Variants in MAPK8IP3 observed in about 807,000 individuals in gnomAD.
MAPK8IP3 encodes C-Jun-amino-terminal kinase-interacting protein 3.
MAPK8IP3 carries 49 observed loss-of-function variants against 157.8 expected under a neutral mutation model. The ratio of observed to expected loss-of-function variants is 0.31; its 90% CI spans 0.25 to 0.39. The LOEUF is 0.39. MAPK8IP3 is among the 10% of genes least tolerant of loss of function. The pLI, the probability that MAPK8IP3 is intolerant of heterozygous loss-of-function variation, is 1.00. For missense variants in MAPK8IP3, 1,478 were observed against 1,889.4 expected, an observed-to-expected ratio of 0.78 and a Z score of 4.04; for synonymous variants, 897 against 777.7, an observed-to-expected ratio of 1.15 and a Z score of -2.55.
intron 1 of MAPK8IP3, among the ~76,000 whole-genome samples, chr16:1,716,162 C>A (rs2038134526): frequency 6.6e-6 from 1 of 152,126 alleles, no homozygotes; most frequent in Non-Finnish European, 1.5e-5. Context: ...AGAATACTGT[C>A]ATCTTGATTT....
At chr16:1,726,531 C>T (rs1446100190) in intron 2 of MAPK8IP3, among the ~76,000 whole-genome samples, 1 of 152,084 alleles carries the variant, frequency 6.6e-6, no homozygotes, top group Non-Finnish European at 1.5e-5. Context: ...AAAAATTAGC[C>T]AGGCACGGTG....
At chr16:1,738,259 C>CAT (rs2040217910) in intron 4 of MAPK8IP3, among the ~76,000 whole-genome samples, 1 of 62,122 alleles carries the variant, frequency 1.6e-5, no homozygotes, top group African/African-American at 7.2e-5. Flanking sequence ...TCCGTGTGAG[C>CAT]GTGTGACCGT....
At chr16:1,726,782 T>C (rs1011911376) in intron 2 of MAPK8IP3, among the ~76,000 whole-genome samples, 1 of 152,230 alleles carries the variant, frequency 6.6e-6, no homozygotes, top group East Asian at 1.9e-4. Flanking sequence ...GTGGTGGCTA[T>C]ACTCTGCCCC....
At chr16:1,718,253 C>T (rs1203117094) in intron 1 of MAPK8IP3, among the ~76,000 whole-genome samples, 2 of 151,048 alleles carry the variant, frequency 1.3e-5, no homozygotes, top group Non-Finnish European at 2.9e-5. Context: ...GTCATGGCCT[C>T]GGCTCACTGC....
chr16:1,712,760 C>T (rs1353137489), intron 1 of MAPK8IP3, among the ~76,000 whole-genome samples: 2 of 152,226 alleles, frequency 1.3e-5, no homozygotes, highest in African/African-American at 2.4e-5. Context: ...CCACCTGCCC[C>T]CACCCCTCCC....
At chr16:1,752,766 AAGAG>A (rs899468656) in intron 8 of MAPK8IP3, among the ~76,000 whole-genome samples, 9 of 144,354 alleles carry the variant, frequency 6.2e-5, no homozygotes, top group African/African-American at 1.3e-4. Flanking sequence ...AAAAAAAAAA[AAGAG>A]AGAAGGAAAA....
At position 1,768,283 on chromosome 16, in the gene MAPK8IP3, C is replaced by A. The variant is rs201201035; in HGVS notation, c.3647C>A (p.Ala1216Glu). Residue 1216 changes from alanine (A) to glutamate (E), a missense_variant, in exon 30 of 32, where the codon GCG becomes GAG. By Grantham distance (107) the Ala-to-Glu change is moderately radical (BLOSUM62 -1). This residue lies in a region of MAPK8IP3 where 83 missense variants were observed against 85.3 expected (regional missense o/e 0.97). Transcript: ENST00000610761. ...TATGGCGATGACAGCAGTGACAGGG[C>A]GGCCAGCAGCTTCATCCCCTACTGC... ...HVYGDDSSDRAASSFIPYCSM... is the reference protein window; with the variant it reads ...HVYGDDSSDREASSFIPYCSM... 6.2e-7 allele frequency: 1 copy of A among 1,611,320 alleles called. No individual in the cohort carries two copies. Among genetic ancestry groups the A allele is most frequent in the Non-Finnish European group, 8.5e-7 (1 of 1,179,992 alleles).
chr16:1,719,719 G>A (rs1240887570), intron 1 of MAPK8IP3, among the ~76,000 whole-genome samples: 1 of 150,914 alleles, frequency 6.6e-6, no homozygotes, highest in Non-Finnish European at 1.5e-5. Context: ...GGTGGCACGT[G>A]CCTGTGGGCC....
At chr16:1,748,432 A>G (rs1203913746) in intron 7 of MAPK8IP3, 86 bp downstream of exon 7, 1 of 1,251,922 alleles carries the variant, frequency 8.0e-7, no homozygotes, top group Non-Finnish European at 1.1e-6. Context: ...CTCTGCCACC[A>G]CTGGGAGAAC....
Position 1,721,960 on chromosome 16 carries a change from G to A in MAPK8IP3, c.319-2597G>A, listed in dbSNP as rs538282151. 2.6e-3 allele frequency among the ~76,000 whole-genome samples: 393 copies of A among 150,724 alleles called. 3 individuals carry two copies. The Middle Eastern group carries it at 0.028, about 11-fold the overall frequency. ...AATTTTTTTTATTTTTAGTAGAAAC[G>A]GGGTTTCACCATGTTAGCCAGGAAG... On this transcript the variant is annotated intron_variant, in intron 1 of 31. Coordinates refer to ENST00000610761, the MANE Select transcript of MAPK8IP3 (RefSeq NM_001318852.2).
At chr16:1,731,753 A>G (rs2039331352) in intron 4 of MAPK8IP3, among the ~76,000 whole-genome samples, 1 of 152,234 alleles carries the variant, frequency 6.6e-6, no homozygotes, top group Non-Finnish European at 1.5e-5. Context: ...ACCGGAATGC[A>G]TGGCTTTGAG....
intron 8 of MAPK8IP3, among the ~76,000 whole-genome samples, chr16:1,754,365 C>T (rs887298090): frequency 6.6e-6 from 1 of 152,186 alleles, no homozygotes; most frequent in Non-Finnish European, 1.5e-5. Context: ...ATGTGCCTTG[C>T]ATTGCTGAGC....
intron 2 of MAPK8IP3, among the ~76,000 whole-genome samples, chr16:1,726,843 A>G (rs928393377): frequency 4.6e-5 from 7 of 152,232 alleles, no homozygotes; most frequent in Non-Finnish European, 7.3e-5. Context: ...ACAGACAGGT[A>G]GCCTCTCCCG....
At chr16:1,721,265 G>A (rs1056266615) in intron 1 of MAPK8IP3, among the ~76,000 whole-genome samples, 30 of 150,920 alleles carry the variant, frequency 2.0e-4, no homozygotes, top group African/African-American at 5.1e-4. Context: ...CCCGGGAGGC[G>A]GAGGTTGCGG....
rs1421013531 is a variant in MAPK8IP3 at position 1,761,296 on chromosome 16, T to C, written c.1530T>C (p.Cys510=). The change falls in exon 13 of 32, where the codon TGT becomes TGC. Residue 510 remains cysteine (C), a synonymous_variant. Transcript: ENST00000610761. ...EEAEDVSSYL[C]TESDKIPMAQ... ...CGGAGGATGTAAGCAGCTATCTCTG[T>C]ACAGAATCGGTACATCCACTCTTCA... 6.2e-7 allele frequency: 1 copy of C among 1,613,356 alleles called. No homozygotes were observed. Among genetic ancestry groups the C allele is most frequent in the Admixed American group, 1.7e-5 (1 of 60,020 alleles).
At chr16:1,747,423 C>T (rs2041031733) in intron 6 of MAPK8IP3, 148 bp downstream of exon 6, 21 of 1,219,414 alleles carry the variant, frequency 1.7e-5, no homozygotes, top group South Asian at 6.3e-5. Flanking sequence ...AAGATCAAGG[C>T]GCTGGCAGGG....
chr16:1,739,104 CCGTCTGTGTGAG>C (rs2040386741), intron 4 of MAPK8IP3, among the ~76,000 whole-genome samples: 1 of 121,714 alleles, frequency 8.2e-6, no homozygotes. Context: ...ATCTGTGTGA[CCGTCTGTGTGAG>C]CATCCGTGTG....
At chr16:1,730,041 CTACAAAA>C (rs1392419960) in intron 4 of MAPK8IP3, among the ~76,000 whole-genome samples, 2 of 63,478 alleles carry the variant, frequency 3.2e-5, no homozygotes, top group African/African-American at 7.2e-5. Context: ...GATCTTGTCT[CTACAAAA>C]AAAAAAAAAA....
chr16:1,763,118 TGCTG>T lies in MAPK8IP3; in HGVS notation c.1898+115_1898+118del, dbSNP rs2042048870. On this transcript the variant is annotated intron_variant, in intron 16 of 31. Coordinates refer to ENST00000610761, the MANE Select transcript of MAPK8IP3 (RefSeq NM_001318852.2). ...GGGACTTTGAGGGCAGCCTCCACCT[TGCTG>T]GCCACATGCCAGGGGCCGTGACCTC... 5.0e-6 allele frequency: 7 copies of T among 1,403,184 alleles called. No individual in the cohort carries two copies. The Middle Eastern group carries it at 9.7e-4, about 195-fold the overall frequency. 86.9% of individuals were successfully genotyped at this position (1,403,184 alleles called of 1,614,324 possible).
Sources: allele counts gnomAD v4.1 joint callset (sites outside exome capture counted in the v4.1 genomes callset), GRCh38; gene constraint gnomAD v4.1.1; regional missense constraint gnomAD v4.1.1; transcripts MANE v1.5; gene names NCBI Gene and HGNC (gene_info 2026-07-23, HGNC 2026-07-21).